PPP3CA: variants seen among roughly 807,000 people sequenced by gnomAD.
PPP3CA encodes CAM-PRP catalytic subunit.
In PPP3CA, 14 loss-of-function variants were observed where a neutral mutation model predicts 66.5. The observed-to-expected ratio is 0.21, with a 90% confidence interval of 0.14 to 0.33. PPP3CA has a LOEUF of 0.33. Ranked by LOEUF, PPP3CA falls within the 10% of genes least tolerant of loss-of-function variation. The pLI is 1.00. For synonymous variants in PPP3CA, 232 were observed against 226.2 expected (o/e 1.03, Z -0.23); for missense variants, 317 against 639.5 (o/e 0.50, Z 5.44).
chr4:101,086,628 T>C (rs1474509052), intron 6 of PPP3CA, among the ~76,000 whole-genome samples: 2 of 152,170 alleles, frequency 1.3e-5, no homozygotes, highest in South Asian at 2.1e-4. Flanking sequence ...TTCTGCCAAG[T>C]CTTCACAAGT....
intron 1 of PPP3CA, among the ~76,000 whole-genome samples, chr4:101,329,025 C>A (rs1458644818): frequency 2.1e-5 from 3 of 145,154 alleles, no homozygotes; most frequent in Non-Finnish European, 4.4e-5. Context: ...TGAAAAGTTG[C>A]ACATGTTTCA....
At chr4:101,075,501 C>T (rs1326313499) in intron 8 of PPP3CA, among the ~76,000 whole-genome samples, 1 of 152,208 alleles carries the variant, frequency 6.6e-6, no homozygotes, top group South Asian at 2.1e-4. Context: ...ACCCGTCCAT[C>T]CAACAACTCA....
At chr4:101,060,991 TA>T in intron 10 of PPP3CA, 95 bp downstream of exon 10, 1 of 1,048,586 alleles carries the variant, frequency 9.5e-7, no homozygotes, top group Non-Finnish European at 1.5e-6. Flanking sequence ...GTTTTAAACA[TA>T]ATCCAAATCT....
At chr4:101,264,526 A>C (rs936925708) in intron 1 of PPP3CA, among the ~76,000 whole-genome samples, 1 of 152,216 alleles carries the variant, frequency 6.6e-6, no homozygotes. Context: ...AACATTCTTC[A>C]TGAATCAGTT....
At position 101,345,681 on chromosome 4, in the gene PPP3CA, G is replaced by A. The variant is rs3827775; in HGVS notation, c.58+1058C>T. On this transcript the variant is annotated intron_variant, in intron 1 of 13. Transcript: ENST00000394854. ...CTACACCTAGGAATACAAGGAGGCC[G>A]ATAGATTCCCGTGCGACAGAGTGAT... Among the ~76,000 whole-genome samples the A allele has an allele frequency of 2.2e-3, 333 of 152,270 alleles. 8 individuals are homozygous for A. The East Asian group carries it at 0.052, about 24-fold the overall frequency.
intron 1 of PPP3CA, among the ~76,000 whole-genome samples, chr4:101,316,054 A>G (rs1449495837): frequency 6.6e-6 from 1 of 152,072 alleles, no homozygotes; most frequent in African/African-American, 2.4e-5. Context: ...TTAAGGATAC[A>G]TCTCAAAAGT....
At chr4:101,285,980 G>A (rs142088422) in intron 1 of PPP3CA, among the ~76,000 whole-genome samples, 435 of 152,276 alleles carry the variant, frequency 2.9e-3, no homozygotes, top group African/African-American at 9.8e-3. Flanking sequence ...TAACTGTTTT[G>A]GTGCCAGGGA....
intron 10 of PPP3CA, among the ~76,000 whole-genome samples, chr4:101,048,996 C>G (rs1458445343): frequency 6.6e-6 from 1 of 151,968 alleles, no homozygotes; most frequent in Non-Finnish European, 1.5e-5. Flanking sequence ...GCCAGAAGAG[C>G]CTAAATTTTT....
intron 12 of PPP3CA, among the ~76,000 whole-genome samples, chr4:101,030,510 G>C (rs1040997535): frequency 6.6e-6 from 1 of 152,074 alleles, no homozygotes; most frequent in African/African-American, 2.4e-5. Flanking sequence ...CATATAGAAA[G>C]GTTCCAACCC....
chr4:101,120,116 C>T (rs1721979360), intron 2 of PPP3CA, among the ~76,000 whole-genome samples: 1 of 152,030 alleles, frequency 6.6e-6, no homozygotes, highest in Non-Finnish European at 1.5e-5. Flanking sequence ...TTAATTCTGA[C>T]TAGATTTTAA....
chr4:101,326,336 T>C (rs1729208291), intron 1 of PPP3CA, among the ~76,000 whole-genome samples: 1 of 152,218 alleles, frequency 6.6e-6, no homozygotes, highest in African/African-American at 2.4e-5. Flanking sequence ...TTTAGCATCT[T>C]TGATTCACAG....
At chr4:101,337,932 T>C (rs1348702489) in intron 1 of PPP3CA, among the ~76,000 whole-genome samples, 2 of 152,234 alleles carry the variant, frequency 1.3e-5, no homozygotes, top group Non-Finnish European at 2.9e-5. Flanking sequence ...GTGATGGGCC[T>C]GAAGATTTTT....
At chr4:101,065,215 T>C (rs80223804) in intron 8 of PPP3CA, among the ~76,000 whole-genome samples, 5,700 of 152,018 alleles carry the variant, frequency 0.037, 193 homozygotes, top group South Asian at 0.16. Flanking sequence ...ACTTTTGATC[T>C]TCAGTATGAA....
chr4:101,209,310 A>G (rs1161622748), intron 1 of PPP3CA, among the ~76,000 whole-genome samples: 1 of 152,214 alleles, frequency 6.6e-6, no homozygotes, highest in Non-Finnish European at 1.5e-5. Flanking sequence ...CCTAAATAGC[A>G]TGTGAGTTTT....
chr4:101,091,870 A>AGAG (rs71901007), intron 6 of PPP3CA, among the ~76,000 whole-genome samples: 26 of 144,144 alleles, frequency 1.8e-4, no homozygotes, highest in African/African-American at 3.5e-4. Flanking sequence ...ATAATGAAGA[A>AGAG]GAGGAGGAGG....
chr4:101,342,652 G>A (rs1729853389), intron 1 of PPP3CA, among the ~76,000 whole-genome samples: 1 of 152,010 alleles, frequency 6.6e-6, no homozygotes, highest in Non-Finnish European at 1.5e-5. Flanking sequence ...TTAAATTCAT[G>A]ATATTGAATT....
At chr4:101,167,957 C>A (rs1212996786) in intron 2 of PPP3CA, among the ~76,000 whole-genome samples, 1 of 152,178 alleles carries the variant, frequency 6.6e-6, no homozygotes, top group Non-Finnish European at 1.5e-5. Context: ...ATCCTCTTGA[C>A]CTCTCTAGTG....
intron 9 of PPP3CA, among the ~76,000 whole-genome samples, chr4:101,062,853 T>C (rs1728529072): frequency 1.3e-5 from 2 of 152,024 alleles, no homozygotes; most frequent in South Asian, 4.1e-4. Flanking sequence ...TCTTTTAATT[T>C]GGCAGATAAT....
At chr4:101,112,878 G>A (rs531869665) in intron 2 of PPP3CA, among the ~76,000 whole-genome samples, 2 of 151,906 alleles carry the variant, frequency 1.3e-5, no homozygotes, top group African/African-American at 4.8e-5. Context: ...AGTCTTGTCC[G>A]CCATATCCCC....
Sources: gnomAD v4.1 joint callset for allele counts (sites outside exome capture counted in the v4.1 genomes callset) on GRCh38, gnomAD v4.1.1 for gene constraint, MANE v1.5 for transcripts, NCBI Gene and HGNC (gene_info 2026-07-23, HGNC 2026-07-21) for gene names.